Variants in DLGAP2 observed in about 807,000 individuals in gnomAD.
DLGAP2 encodes the protein disks large-associated protein 2.
In DLGAP2, 26 loss-of-function variants were observed where a neutral mutation model predicts 100.3. The ratio of observed to expected loss-of-function variants is 0.26; its 90% CI spans 0.19 to 0.36. The LOEUF is 0.36. Among genes scored for constraint, DLGAP2 ranks in the 10% least tolerant of loss-of-function variants. The pLI, the probability that DLGAP2 is intolerant of heterozygous loss-of-function variation, is 1.00. For missense variants in DLGAP2, 1,858 were observed against 1,453.2 expected, an observed-to-expected ratio of 1.28 and a Z score of -4.53; for synonymous variants, 886 against 630.1, an observed-to-expected ratio of 1.41 and a Z score of -6.08.
At chr8:974,021 A>G (rs1010473366) in intron 2 of DLGAP2, among the ~76,000 whole-genome samples, 3 of 152,120 alleles carry the variant, frequency 2.0e-5, no homozygotes, top group Admixed American at 6.5e-5. Flanking sequence ...GAAGAACTGT[A>G]GGAGAAATAC....
intron 2 of DLGAP2, among the ~76,000 whole-genome samples, chr8:1,256,975 C>T (rs954020153): frequency 2.6e-5 from 4 of 151,988 alleles, no homozygotes; most frequent in African/African-American, 9.7e-5. Flanking sequence ...GCAGTGTGGC[C>T]CTGGGCCCAG....
At chr8:972,071 C>G (rs930902837) in intron 2 of DLGAP2, among the ~76,000 whole-genome samples, 1 of 152,084 alleles carries the variant, frequency 6.6e-6, no homozygotes, top group Non-Finnish European at 1.5e-5. Context: ...CTTGGGGAAA[C>G]CAAAAGTTGT....
At chr8:1,305,216 A>T (rs1001296647) in intron 3 of DLGAP2, among the ~76,000 whole-genome samples, 3 of 152,202 alleles carry the variant, frequency 2.0e-5, no homozygotes, top group Non-Finnish European at 4.4e-5. Context: ...TTAAAAAATG[A>T]AAGTAGCATC....
At chr8:1,080,271 C>G (rs182941358) in intron 2 of DLGAP2, among the ~76,000 whole-genome samples, 1 of 152,224 alleles carries the variant, frequency 6.6e-6, no homozygotes, top group Non-Finnish European at 1.5e-5. Flanking sequence ...ATGCGGGCGC[C>G]ACCCCCGCCC....
chr8:1,688,189 G>C (rs578193928), intron 12 of DLGAP2: 1 of 151,648 alleles, frequency 6.6e-6, no homozygotes, highest in Non-Finnish European at 1.5e-5. Flanking sequence ...GCTCCATCCC[G>C]TGCCATGTGG....
rs77619853 is a variant in DLGAP2, at chr8:1,498,004, G to C, written c.107-3362G>C. 7.2e-5 allele frequency among the ~76,000 whole-genome samples: 11 copies of C among 152,316 alleles called. No individual in the cohort carries two copies. The East Asian group carries it at 1.9e-3, about 27-fold the overall frequency. On this transcript the variant is annotated intron_variant, in intron 3 of 14. Transcript: ENST00000637795. ...CTTTTGGTTTTATACACTTTAGGGA[G>C]ACATAAGCCATTGGTCACTACCTGT...
intron 1 of DLGAP2, among the ~76,000 whole-genome samples, chr8:743,898 G>A (rs1227510125): frequency 6.6e-6 from 1 of 152,194 alleles, no homozygotes; most frequent in African/African-American, 2.4e-5. Context: ...TTCCGTGGCC[G>A]GGTCTTCATG....
At position 1,320,036 on chromosome 8, in the gene DLGAP2, C is replaced by T. The variant is rs7006301; in HGVS notation, c.106+61153C>T. On this transcript the variant is annotated intron_variant, in intron 3 of 14. Transcript: ENST00000637795. ...GCGCACATGAAGACGAAAGGTGTTG[C>T]GGCCTCTGGGCCCAGGGAGTTGAGG... is the stretch of plus-strand genomic sequence containing the variant. Among the ~76,000 whole-genome samples, 1,130 of 152,130 alleles carry T rather than the reference C, an allele frequency of 7.4e-3. 21 individuals carry two copies. The highest frequency in any genetic ancestry group is 0.026 in the African/African-American group (1,067 of 41,484).
rs116557773 is a variant in DLGAP2 at position 823,869 on chromosome 8, T to C, written c.19-84043T>C. Among the ~76,000 whole-genome samples the C allele has an allele frequency of 5.7e-3, 864 of 152,226 alleles. 9 individuals are homozygous for C. Among genetic ancestry groups the C allele is most frequent in the African/African-American group, 0.02 (811 of 41,538 alleles). On this transcript the variant is annotated intron_variant, in intron 1 of 14. Coordinates refer to ENST00000637795, the MANE Select transcript of DLGAP2 (RefSeq NM_001346810.2). ...CTGGGTCCATCCACCCGGGCTGTCC[T>C]CTCGTTCTCTTGTTGTGCGATGACA...
At chr8:1,499,620 G>A (rs1799649145) in intron 3 of DLGAP2, among the ~76,000 whole-genome samples, 1 of 152,144 alleles carries the variant, frequency 6.6e-6, no homozygotes, top group South Asian at 2.1e-4. Context: ...TGCAAAAAGT[G>A]CTGTTAGCCT....
In DLGAP2 at chr8:1,164,106, C is replaced by A. The variant is rs956781360; in HGVS notation, c.74-94745C>A. 5.9e-4 allele frequency among the ~76,000 whole-genome samples: 59 copies of A among 100,264 alleles called. 7 individuals carry two copies. Among genetic ancestry groups the A allele is most frequent in the African/African-American group, 1.4e-3 (42 of 30,578 alleles). 65.8% of individuals were successfully genotyped at this position (100,264 alleles called of 152,430 possible). A position where few individuals can be genotyped will look rare whatever the true frequency, so the allele number is the denominator to read the frequency against. ...TTCCCTGTGCTGGGGACAGATTTTT[C>A]TGTGAGCCCGCAGGGCCCGTCATTT... On this transcript the variant is annotated intron_variant, in intron 2 of 14. Transcript: ENST00000637795.
At chr8:1,418,228 G>A (rs1450866490) in intron 3 of DLGAP2, among the ~76,000 whole-genome samples, 1 of 152,148 alleles carries the variant, frequency 6.6e-6, no homozygotes, top group Non-Finnish European at 1.5e-5. Context: ...CTCTACTACT[G>A]AACATTTAAG....
chr8:1,168,193 C>T (rs1488519796), intron 2 of DLGAP2, among the ~76,000 whole-genome samples: 19 of 151,654 alleles, frequency 1.3e-4, no homozygotes, highest in Non-Finnish European at 2.1e-4. Context: ...CATCCATGTC[C>T]CTAGAAAGGA....
chr8:1,377,370 C>T (rs569595891), intron 3 of DLGAP2, among the ~76,000 whole-genome samples: 22 of 152,200 alleles, frequency 1.4e-4, no homozygotes, highest in Non-Finnish European at 2.5e-4. Context: ...TGGTGAAACC[C>T]CGTCTCTACA....
chr8:1,445,703 C>G lies in DLGAP2; in HGVS notation c.107-55663C>G, dbSNP rs142060203. ...ATGGTTGAACTAATTTACAGTCCCA[C>G]TAACAGTGTAAAAGTGTTCCTATTT... On this transcript the variant is annotated intron_variant, in intron 3 of 14. Transcript: ENST00000637795. Among the ~76,000 whole-genome samples the G allele has an allele frequency of 3.0e-4, 45 of 152,342 alleles. No homozygotes were observed. The East Asian group carries it at 8.7e-3, about 29-fold the overall frequency.
At chr8:988,107 C>T (rs1022860290) in intron 2 of DLGAP2, among the ~76,000 whole-genome samples, 5 of 152,016 alleles carry the variant, frequency 3.3e-5, no homozygotes, top group African/African-American at 1.2e-4. Flanking sequence ...ATGGGAGTTG[C>T]GTTATTTTCT....
intron 4 of DLGAP2, among the ~76,000 whole-genome samples, chr8:1,506,505 G>A (rs1799921435): frequency 6.6e-6 from 1 of 152,172 alleles, no homozygotes; most frequent in Non-Finnish European, 1.5e-5. Context: ...GGTGAGTGTT[G>A]CAGCTCATAA....
At position 1,321,359 on chromosome 8, in the gene DLGAP2, C is replaced by T. The variant is rs570222846; in HGVS notation, c.106+62476C>T. 3.3e-5 allele frequency among the ~76,000 whole-genome samples: 5 copies of T among 151,044 alleles called. No individual in the cohort carries two copies. The South Asian group carries it at 6.3e-4, about 19-fold the overall frequency. ...GTGTCTCTGCATGTGCTTATGCATC[C>T]GTACCATGTGCGTGCATGTGTATCC... is the stretch of plus-strand genomic sequence containing the variant. On this transcript the variant is annotated intron_variant, in intron 3 of 14. Transcript: ENST00000637795.
At chr8:1,301,184 A>G (rs1334737331) in intron 3 of DLGAP2, 4 of 152,306 alleles carry the variant, frequency 2.6e-5, no homozygotes, top group Admixed American at 2.0e-4. Context: ...AGTGCTGTGG[A>G]TCCTCTGAGT....
Sources: gnomAD v4.1 joint callset for allele counts (sites outside exome capture counted in the v4.1 genomes callset) on GRCh38, gnomAD v4.1.1 for gene constraint, MANE v1.5 for transcripts, NCBI Gene and HGNC (gene_info 2026-07-23, HGNC 2026-07-21) for gene names.